Variants in FHAD1 observed in about 807,000 individuals in gnomAD.
FHAD1 encodes the protein forkhead-associated domain-containing protein 1.
Under a neutral mutation model 191.3 loss-of-function variants are expected in FHAD1, and 146 were observed. That is an observed-to-expected ratio of 0.76 (90% CI 0.67 to 0.88). The LOEUF is 0.88. FHAD1 is among the 40% of genes least tolerant of loss of function. FHAD1 has a pLI of 0.00. For missense variants in FHAD1, 1,635 were observed against 1,785.8 expected (o/e 0.92, Z 1.52); for synonymous variants, 616 against 672.3 (o/e 0.92, Z 1.29).
chr1:15,244,194 A>G (rs1645724976), upstream of FHAD1, among the ~76,000 whole-genome samples: 1 of 152,148 alleles, frequency 6.6e-6, no homozygotes. The surrounding 1 kb of genome is among the most constrained non-coding windows in gnomAD (Gnocchi z 5.1). Context: ...ATGAAAATGG[A>G]TGATACGGAA....
intron 31 of FHAD1, chr1:15,383,991 C>T: frequency 3.0e-6 from 1 of 330,906 alleles, no homozygotes; most frequent in South Asian, 2.4e-5. Context: ...TGTGTGTGTA[C>T]ATTCTCATGT....
intron 6 of FHAD1, among the ~76,000 whole-genome samples, chr1:15,306,269 CT>C (rs1670468770): frequency 6.6e-6 from 1 of 152,198 alleles, no homozygotes; most frequent in Non-Finnish European, 1.5e-5. Context: ...GAAGAAATTT[CT>C]AAGCAGCAAA....
At chr1:15,285,512 G>A (rs901613023) in intron 3 of FHAD1, among the ~76,000 whole-genome samples, 1 of 152,104 alleles carries the variant, frequency 6.6e-6, no homozygotes, top group African/African-American at 2.4e-5. Context: ...CAGCCTGGGT[G>A]ACAAGAGCAA....
Position 15,313,143 on chromosome 1 carries a change from C to T in FHAD1, c.1126C>T (p.Gln376Ter), listed in dbSNP as rs1279564691. 1 of 1,551,910 alleles carries T rather than the reference C, an allele frequency of 6.4e-7. No individual in the cohort carries two copies. The highest frequency in any genetic ancestry group is 1.2e-5 in the South Asian group (1 of 84,048). Residue 376 changes from glutamine to a stop codon, truncating the protein, a stop_gained, in exon 8 of 34, where the codon CAG (glutamine) becomes TAG (stop). Coordinates refer to ENST00000688493, the MANE Select transcript of FHAD1 (RefSeq NM_001391957.1). LOFTEE classifies it high-confidence loss of function. ...GGAAGAGGTCAGTCACCTAAAAAGT[C>T]AGAACAAGGACAAGGACCACCAGCT... ...LKEEVSHLKS[Q>*]NKDKDHQLEA...
chr1:15,367,347 T>A, intron 24 of FHAD1, 116 bp from the exon 25 acceptor site: 1 of 1,188,088 alleles, frequency 8.4e-7, no homozygotes, highest in African/African-American at 1.5e-5. Context: ...AATACAAAAA[T>A]TAGCCAGTCG....
intron 14 of FHAD1, among the ~76,000 whole-genome samples, chr1:15,336,698 T>C (rs1684269028): frequency 6.6e-6 from 1 of 152,220 alleles, no homozygotes; most frequent in Non-Finnish European, 1.5e-5. Flanking sequence ...CTGTGATCTT[T>C]AAGAAGCGTG....
In FHAD1 at chr1:15,341,885, G is replaced by A. The variant is rs531778752; in HGVS notation, c.2127G>A (p.Lys709=). ...KAKIRQLTEE[K]AALEEYITQE... ...AAATCAGGCAACTGACGGAAGAGAAGGCGGTAAGGTGGTCCCTGCCATTTG... is the reference window on the plus strand; with the variant it reads ...AAATCAGGCAACTGACGGAAGAGAAAGCGGTAAGGTGGTCCCTGCCATTTG... The change falls in exon 16 of 34, where the codon AAG becomes AAA. Residue 709 remains lysine (K), a synonymous_variant. Transcript: ENST00000688493. 6.4e-7 allele frequency: 1 copy of A among 1,551,162 alleles called. No homozygotes were observed. The highest frequency in any genetic ancestry group is 1.4e-5 in the African/African-American group (1 of 73,138).
chr1:15,321,168 G>A (rs1052482903), intron 10 of FHAD1, among the ~76,000 whole-genome samples: 2 of 152,186 alleles, frequency 1.3e-5, no homozygotes, highest in Non-Finnish European at 2.9e-5. Flanking sequence ...TCTTAACCTT[G>A]TGATCTGCCC....
chr1:15,246,231 G>A (rs906624556), upstream of FHAD1, among the ~76,000 whole-genome samples: 1 of 152,126 alleles, frequency 6.6e-6, no homozygotes, highest in African/African-American at 2.4e-5. Context: ...AAGCAAGCGG[G>A]AAGTCTGCCC....
chr1:15,310,273 C>G (rs190484344), intron 7 of FHAD1, among the ~76,000 whole-genome samples: 2 of 152,178 alleles, frequency 1.3e-5, no homozygotes, highest in African/African-American at 4.8e-5. Context: ...GGACCCAGGC[C>G]GCCTGGCCGT....
Position 15,289,454 on chromosome 1 carries a change from G to A in FHAD1, c.356G>A (p.Arg119His), listed in dbSNP as rs764090587. 3.9e-6 allele frequency: 6 copies of A among 1,551,624 alleles called. No individual in the cohort carries two copies. In the Admixed American group the frequency reaches 5.9e-5, roughly 15 times the overall value. ...PAPWPGPQPP[R>H]ATQQPNQAPP... ...CCATGGCCAGGGCCACAGCCACCTC[G>A]TGCCACACAGCAGCCAAACCAGGCC... The change falls in exon 4 of 34, where the codon CGT (arginine) becomes CAT (histidine). Residue 119 changes from arginine to histidine, a missense_variant. By Grantham distance (29) the Arg-to-His change is conservative. Transcript: ENST00000688493. This position sits in a 1 kb window ranked among gnomAD's most constrained non-coding sequence, Gnocchi z 4.2.
In FHAD1 at chr1:15,376,225, G is replaced by T. The variant is rs958695144; in HGVS notation, c.3705+495G>T. Among the ~76,000 whole-genome samples the T allele has an allele frequency of 2.8e-4, 43 of 151,870 alleles. 1 individual carries two copies. Among genetic ancestry groups the T allele is most frequent in the Non-Finnish European group, 1.3e-4 (9 of 67,928 alleles). On this transcript the variant is annotated intron_variant, in intron 28 of 33. Transcript: ENST00000688493. ...CTGCCTCAGCCTCCTGAGCAGCTGG[G>T]ACTACAGGCACCCGCCACCACACCC...
At chr1:15,361,750 T>TA (rs1444046903) in intron 22 of FHAD1, among the ~76,000 whole-genome samples, 1 of 151,644 alleles carries the variant, frequency 6.6e-6, no homozygotes, top group African/African-American at 2.4e-5. Flanking sequence ...CTCACGCCTG[T>TA]AATCCCAGCA....
At chr1:15,307,729 T>C (rs568236152) in intron 6 of FHAD1, among the ~76,000 whole-genome samples, 1 of 151,790 alleles carries the variant, frequency 6.6e-6, no homozygotes, top group Non-Finnish European at 1.5e-5. Flanking sequence ...ATTAAACCTC[T>C]TTCTCTTTTT....
intron 16 of FHAD1, among the ~76,000 whole-genome samples, chr1:15,343,030 T>C (rs927857561): frequency 1.3e-5 from 2 of 152,138 alleles, no homozygotes; most frequent in Admixed American, 1.3e-4. Flanking sequence ...ACTCCTGGCA[T>C]CAAGTGATCC....
chr1:15,243,202 A>G (rs893214747), upstream of FHAD1, among the ~76,000 whole-genome samples: 1 of 152,262 alleles, frequency 6.6e-6, no homozygotes, highest in African/African-American at 2.4e-5. Flanking sequence ...GGATGGCTGC[A>G]GAAAGCCTCA....
chr1:15,240,616 G>A (rs1450819594), intron 1 of FHAD1, among the ~76,000 whole-genome samples: 1 of 135,096 alleles, frequency 7.4e-6, no homozygotes, highest in Non-Finnish European at 1.6e-5. Flanking sequence ...TGGACAACAG[G>A]AGAGACCCTG....
In FHAD1 at chr1:15,327,182, C is replaced by A; in HGVS notation, c.1557+40C>A. On this transcript the variant is annotated intron_variant, in intron 12 of 33. Coordinates refer to ENST00000688493, the MANE Select transcript of FHAD1 (RefSeq NM_001391957.1). This position sits in a 1 kb window ranked among gnomAD's most constrained non-coding sequence, Gnocchi z 5.1. ...CCTGCCACGTGGCTCCTTCACTTTC[C>A]TCTTCTTCTTCTTCGTGGATCTGGA... is the stretch of plus-strand genomic sequence containing the variant. The A allele has an allele frequency of 7.5e-7, 1 of 1,336,278 alleles. No individual in the cohort carries two copies. The highest frequency in any genetic ancestry group is 1.0e-6 in the Non-Finnish European group (1 of 954,172). The allele number at this position is 1,336,278 out of a possible 1,614,324, so 82.8% of individuals were successfully genotyped here. A position where few individuals can be genotyped will look rare whatever the true frequency, so the allele number is the denominator to read the frequency against.
chr1:15,358,346 A>G, intron 21 of FHAD1, 63 bp downstream of exon 21: 2 of 1,469,540 alleles, frequency 1.4e-6, no homozygotes, highest in Non-Finnish European at 1.8e-6. Context: ...CAGTGCCACG[A>G]GAATGTGTGG....
Sources: gnomAD v4.1 joint callset for allele counts (sites outside exome capture counted in the v4.1 genomes callset) on GRCh38, gnomAD v4.1.1 for gene constraint, Gnocchi (gnomAD v3.1) non-coding constraint, MANE v1.5 for transcripts, NCBI Gene and HGNC (gene_info 2026-07-23, HGNC 2026-07-21) for gene names.